AMN1: variants seen among roughly 807,000 people sequenced by gnomAD.
AMN1 encodes the protein antagonist of mitotic exit network 1 homolog, also known as protein AMN1 homolog.
Under a neutral mutation model 33.0 loss-of-function variants are expected in AMN1, and 20 were observed. That is an observed-to-expected ratio of 0.61 (90% confidence interval 0.43 to 0.88). The LOEUF (loss-of-function observed/expected upper bound fraction) is 0.88, where lower values mean the gene tolerates loss of function less well. AMN1 is among the 40% of genes least tolerant of loss of function. AMN1 has a pLI of 0.00. For missense variants in AMN1, 246 were observed against 307.4 expected (o/e 0.80, Z 1.49); for synonymous variants, 114 against 111.9 (o/e 1.02, Z -0.12).
At chr12:31,703,085 C>T (rs1201921002) in intron 2 of AMN1, among the ~76,000 whole-genome samples, 1 of 152,098 alleles carries the variant, frequency 6.6e-6, no homozygotes, top group Non-Finnish European at 1.5e-5. Context: ...CACTGCCCAC[C>T]ACCCCACTGC....
chr12:31,715,921 T>C (rs1167668233), intron 1 of AMN1: 1 of 152,250 alleles, frequency 6.6e-6, no homozygotes, highest in Non-Finnish European at 1.5e-5. Flanking sequence ...TTATTAAGTT[T>C]CCTAACGTGA....
rs12146802 is a variant in AMN1 at position 31,709,852 on chromosome 12, A to G, written c.39-427T>C. Among the ~76,000 whole-genome samples the G allele has an allele frequency of 3.4e-3, 511 of 152,264 alleles. 5 individuals carry two copies. The highest frequency in any genetic ancestry group is 4.5e-3 in the Non-Finnish European group (306 of 68,004). The stretch of plus-strand genomic sequence containing the variant: ...TCAAAAAAAAGTATATACATTTTAT[A>G]TTAATACTATATTTACAACTTTAGC... On this transcript the variant is annotated intron_variant, in intron 1 of 6. Coordinates refer to ENST00000281471, the MANE Select transcript of AMN1 (RefSeq NM_001113402.2).
intron 5 of AMN1, among the ~76,000 whole-genome samples, 181 bp downstream of exon 5, chr12:31,697,180 A>G (rs937917955): frequency 2.0e-5 from 3 of 152,154 alleles, no homozygotes; most frequent in Non-Finnish European, 2.9e-5. Flanking sequence ...ATTTTAAAGC[A>G]CCTTTATTTT....
chr12:31,728,916 C>A, intron 1 of AMN1, 55 bp downstream of exon 1: 2 of 1,524,834 alleles, frequency 1.3e-6, no homozygotes, highest in East Asian at 2.5e-5. Context: ...AGGGCCTGGC[C>A]GTTTGGAGGA....
chr12:31,690,790 T>C (rs1010787514), intron 5 of AMN1, among the ~76,000 whole-genome samples: 2 of 152,092 alleles, frequency 1.3e-5, no homozygotes, highest in South Asian at 2.1e-4. Context: ...TTGCATCAAA[T>C]GGTAAAATTA....
intron 3 of AMN1, among the ~76,000 whole-genome samples, chr12:31,701,532 A>G (rs1470941214): frequency 6.6e-6 from 1 of 151,862 alleles, no homozygotes; most frequent in Admixed American, 6.6e-5. Context: ...CTGGCATCGA[A>G]CTCCTTGGCT....
chr12:31,728,823 G>A (rs1209496182), intron 1 of AMN1, 148 bp downstream of exon 1: 1 of 912,542 alleles, frequency 1.1e-6, no homozygotes, highest in East Asian at 3.0e-5. Flanking sequence ...GACAGATCAG[G>A]AACCCAGGGA....
At chr12:31,713,901 G>A (rs899989068) in intron 1 of AMN1, among the ~76,000 whole-genome samples, 3 of 151,806 alleles carry the variant, frequency 2.0e-5, no homozygotes, top group Admixed American at 6.6e-5. Flanking sequence ...TTATATACTC[G>A]ACTGGTTTAC....
intron 3 of AMN1, among the ~76,000 whole-genome samples, chr12:31,701,540 G>A (rs1376002533): frequency 6.6e-6 from 1 of 152,098 alleles, no homozygotes; most frequent in Non-Finnish European, 1.5e-5. Context: ...GAACTCCTTG[G>A]CTCAAGCAGT....
At chr12:31,699,386 ACT>A (rs1237858963) in intron 3 of AMN1, among the ~76,000 whole-genome samples, 1 of 87,730 alleles carries the variant, frequency 1.1e-5, no homozygotes, top group East Asian at 3.8e-4. Flanking sequence ...ATATGGTGAG[ACT>A]CTGTCTCAAA....
chr12:31,704,935 C>T (rs1415199399), intron 2 of AMN1, among the ~76,000 whole-genome samples: 1 of 152,134 alleles, frequency 6.6e-6, no homozygotes, highest in African/African-American at 2.4e-5. Flanking sequence ...AAGAAAACCA[C>T]CATTTTTCTA....
chr12:31,690,153 C>T (rs775843090), intron 5 of AMN1, among the ~76,000 whole-genome samples: 13 of 152,186 alleles, frequency 8.5e-5, no homozygotes, highest in Admixed American at 5.2e-4. Context: ...TGTATCCACT[C>T]GTTGATTGAT....
At chr12:31,727,641 G>C (rs545233487) in intron 1 of AMN1, among the ~76,000 whole-genome samples, 1 of 152,206 alleles carries the variant, frequency 6.6e-6, no homozygotes, top group African/African-American at 2.4e-5. Flanking sequence ...TAACCCCCTT[G>C]ACAAAGCTTT....
intron 5 of AMN1, among the ~76,000 whole-genome samples, chr12:31,690,288 G>A (rs1029430680): frequency 6.6e-6 from 1 of 152,174 alleles, no homozygotes; most frequent in Non-Finnish European, 1.5e-5. Flanking sequence ...TGGGATTGCT[G>A]GATCAAATGG....
intron 6 of AMN1, among the ~76,000 whole-genome samples, chr12:31,676,933 A>G (rs1392147038): frequency 2.0e-5 from 3 of 151,766 alleles, no homozygotes; most frequent in Non-Finnish European, 4.4e-5. Context: ...CAATGCCTTT[A>G]TTATGCTACA....
Position 31,672,317 on chromosome 12 carries a change from C to T in AMN1, c.764G>A (p.Trp255Ter). The change falls in exon 7 of 7, where the codon TGG (tryptophan) becomes TAG (stop). Residue 255 changes from tryptophan to a stop codon, truncating the protein, a stop_gained. Coordinates refer to ENST00000281471, the MANE Select transcript of AMN1 (RefSeq NM_001113402.2). LOFTEE classifies it high-confidence loss of function. ...TTCAAAAAAGCATCAATAAACAGTCCATGTCACTTGCTTTAGTTTGTTTGG... is the reference window on the plus strand; with the variant it reads ...TTCAAAAAAGCATCAATAAACAGTCTATGTCACTTGCTTTAGTTTGTTTGG... Reference protein sequence around the residue: ...VGPNKLKQVTWTVY With the variant: ...VGPNKLKQVT 1 of 1,575,616 alleles carries T rather than the reference C, an allele frequency of 6.3e-7. No individual in the cohort carries two copies. The highest frequency in any genetic ancestry group is 1.2e-5 in the South Asian group (1 of 86,090).
intron 1 of AMN1, among the ~76,000 whole-genome samples, chr12:31,727,576 T>C (rs963128360): frequency 6.6e-6 from 1 of 152,194 alleles, no homozygotes; most frequent in African/African-American, 2.4e-5. Context: ...TATTTCACTC[T>C]CTACGATACA....
chr12:31,722,594 G>C (rs1398647680), intron 1 of AMN1, among the ~76,000 whole-genome samples: 1 of 152,140 alleles, frequency 6.6e-6, no homozygotes, highest in African/African-American at 2.4e-5. Flanking sequence ...AGGATGAAAA[G>C]GGGAGGGTTT....
chr12:31,724,771 C>T (rs1222311613), intron 1 of AMN1, among the ~76,000 whole-genome samples: 1 of 152,164 alleles, frequency 6.6e-6, no homozygotes, highest in Non-Finnish European at 1.5e-5. Flanking sequence ...AGAGGCTGTA[C>T]CATGTGTTTC....
Sources: gnomAD v4.1 joint callset for allele counts (sites outside exome capture counted in the v4.1 genomes callset) on GRCh38, gnomAD v4.1.1 for gene constraint, MANE v1.5 for transcripts, NCBI Gene and HGNC (gene_info 2026-07-23, HGNC 2026-07-21) for gene names.